Variants in SEPTIN9 observed in about 807,000 individuals in gnomAD.
The protein encoded by SEPTIN9 is septin-9.
A neutral mutation model predicts 56.6 loss-of-function variants in SEPTIN9; 13 were observed. The observed-to-expected ratio is 0.23, with a 90% CI of 0.15 to 0.37. The LOEUF (loss-of-function observed/expected upper bound fraction) is 0.37, where lower values mean the gene tolerates loss of function less well. Ranked by LOEUF, SEPTIN9 falls within the 10% of genes least tolerant of loss-of-function variation. The pLI, the probability that SEPTIN9 is intolerant of heterozygous loss-of-function variation, is 1.00. For synonymous variants in SEPTIN9, 332 were observed against 334.1 expected, an observed-to-expected ratio of 0.99 and a Z score of 0.07; for missense variants, 650 against 823.1, an observed-to-expected ratio of 0.79 and a Z score of 2.57.
rs779621770 is a variant in SEPTIN9, at chr17:77,490,796, C to A, written c.1317C>A (p.Ile439=). Residue 439 remains isoleucine, a synonymous_variant, in exon 8 of 12, where the codon ATC becomes ATA. Transcript: ENST00000427177. ...FMKRLSKVVN[I]VPVIAKADTL... Reference sequence around the variant, plus strand: ...AACGCCTGAGCAAGGTGGTCAACATCGTCCCTGTCATCGCCAAGGCGGACA... The same window carrying A: ...AACGCCTGAGCAAGGTGGTCAACATAGTCCCTGTCATCGCCAAGGCGGACA... 1.7e-5 allele frequency: 27 copies of A among 1,595,658 alleles called. No homozygotes were observed. The highest frequency in any genetic ancestry group is 8.7e-5 in the Admixed American group (5 of 57,600).
chr17:77,288,186 G>A lies in SEPTIN9; in HGVS notation c.19+6632G>A, dbSNP rs545146549. ...CAGGAGTGTCATCTTTTCTCAATGG[G>A]GATGTGGCTTCAGTCTCTGTCCAGG... On this transcript the variant is annotated intron_variant, in intron 1 of 11. Transcript: ENST00000427177. The A allele has an allele frequency of 1.4e-5, 15 of 1,056,116 alleles. No individual in the cohort carries two copies. In the South Asian group the frequency reaches 5.9e-4, roughly 42 times the overall value. The allele number at this position is 1,056,116 out of a possible 1,614,324, so 65.4% of individuals were successfully genotyped here.
At chr17:77,398,915 A>C (rs1196495306) in intron 2 of SEPTIN9, among the ~76,000 whole-genome samples, 1 of 152,150 alleles carries the variant, frequency 6.6e-6, no homozygotes, top group Non-Finnish European at 1.5e-5. Flanking sequence ...GGCAGTAAGC[A>C]CAGAGGCCAG....
intron 2 of SEPTIN9, among the ~76,000 whole-genome samples, chr17:77,358,193 G>C (rs2034313321): frequency 6.6e-6 from 1 of 152,228 alleles, no homozygotes; most frequent in South Asian, 2.1e-4. Flanking sequence ...ACAGAGCCCA[G>C]GCCTCAGCAC....
intron 2 of SEPTIN9, among the ~76,000 whole-genome samples, chr17:77,338,566 C>T (rs2033629281): frequency 6.6e-6 from 1 of 152,078 alleles, no homozygotes; most frequent in African/African-American, 2.4e-5. Context: ...CTACAGGTGC[C>T]TGCCACCACG....
At chr17:77,393,133 C>G (rs1371894697) in intron 2 of SEPTIN9, among the ~76,000 whole-genome samples, 2 of 152,130 alleles carry the variant, frequency 1.3e-5, no homozygotes, top group Non-Finnish European at 2.9e-5. Context: ...CAGGGGATGC[C>G]TGAGTGTGGG....
At chr17:77,352,965 A>ATAT (rs2034111899) in intron 2 of SEPTIN9, among the ~76,000 whole-genome samples, 2 of 152,340 alleles carry the variant, frequency 1.3e-5, no homozygotes, top group East Asian at 3.9e-4. Context: ...TGTCTTATAA[A>ATAT]GACACCTGTC....
intron 2 of SEPTIN9, among the ~76,000 whole-genome samples, chr17:77,354,583 G>C (rs1400876126): frequency 1.3e-5 from 2 of 152,166 alleles, no homozygotes; most frequent in African/African-American, 2.4e-5. Context: ...CCTCCTGCCT[G>C]CATGCGGCCG....
chr17:77,410,464 T>A (rs1183611784), intron 3 of SEPTIN9, among the ~76,000 whole-genome samples: 4 of 152,134 alleles, frequency 2.6e-5, no homozygotes, highest in Admixed American at 6.5e-5. Flanking sequence ...TCTGCCGCCT[T>A]CCAAAATGGC....
intron 1 of SEPTIN9, 191 bp downstream of exon 1, chr17:77,281,745 C>G: frequency 1.8e-6 from 1 of 547,780 alleles, no homozygotes; most frequent in South Asian, 2.4e-5. Context: ...CGACCGTCCC[C>G]TGCGCTGTCT....
intron 2 of SEPTIN9, among the ~76,000 whole-genome samples, chr17:77,395,687 A>T (rs1568035394): frequency 6.6e-6 from 1 of 152,048 alleles, no homozygotes; most frequent in Non-Finnish European, 1.5e-5. Flanking sequence ...CCCGGGTGTG[A>T]GTGTGTGTGT....
chr17:77,284,882 C>G (rs1217996712), intron 1 of SEPTIN9, among the ~76,000 whole-genome samples: 1 of 152,196 alleles, frequency 6.6e-6, no homozygotes, highest in Non-Finnish European at 1.5e-5. Context: ...CCTGCCTTGG[C>G]CTCCCAAAGT....
chr17:77,361,619 G>GTTTTC (rs949020564), intron 2 of SEPTIN9, among the ~76,000 whole-genome samples: 13 of 151,892 alleles, frequency 8.6e-5, no homozygotes, highest in African/African-American at 1.9e-4. Flanking sequence ...CGAGTGGTCA[G>GTTTTC]TTTTCTTTTC....
In SEPTIN9 at chr17:77,402,848, T is replaced by C. The variant is rs1342370576; in HGVS notation, c.721+145T>C. 2 of 768,180 alleles carry C rather than the reference T, an allele frequency of 2.6e-6. No homozygotes were observed. Among genetic ancestry groups the C allele is most frequent in the Non-Finnish European group, 4.0e-6 (2 of 496,290 alleles). The allele number at this position is 768,180 out of a possible 1,614,324, so 47.6% of individuals were successfully genotyped here. A position where few individuals can be genotyped will look rare whatever the true frequency, so the allele number is the denominator to read the frequency against. The stretch of plus-strand genomic sequence containing the variant: ...CCAGAAAGACCGGAATGCATGGGGG[T>C]GGGGGTCTGCAAGCTCAGGAGAGGT... On this transcript the variant is annotated intron_variant, in intron 3 of 11. Coordinates refer to ENST00000427177, the MANE Select transcript of SEPTIN9 (RefSeq NM_001113491.2). This position sits in a 1 kb window ranked among gnomAD's most constrained non-coding sequence, Gnocchi z 6.6.
At chr17:77,397,800 C>G (rs542393758) in intron 2 of SEPTIN9, among the ~76,000 whole-genome samples, 2 of 152,126 alleles carry the variant, frequency 1.3e-5, no homozygotes, top group Non-Finnish European at 2.9e-5. Context: ...CAGGCGCCCA[C>G]CCCCATGCCT....
chr17:77,485,106 G>C lies in SEPTIN9; in HGVS notation c.914-2318G>C, dbSNP rs1178285428. On this transcript the variant is annotated intron_variant, in intron 4 of 11. Coordinates refer to ENST00000427177, the MANE Select transcript of SEPTIN9 (RefSeq NM_001113491.2). ...AAGGGGTGATGGTGGTGATTGTGGT[G>C]ATGTGGGTGGTGGTGGTGATGTGGG... Among the ~76,000 whole-genome samples the C allele has an allele frequency of 1.3e-5, 2 of 149,908 alleles. 1 individual carries two copies. The highest frequency in any genetic ancestry group is 4.9e-5 in the African/African-American group (2 of 40,464).
At chr17:77,420,458 A>G (rs2036659370) in intron 3 of SEPTIN9, among the ~76,000 whole-genome samples, 1 of 152,186 alleles carries the variant, frequency 6.6e-6, no homozygotes, top group East Asian at 1.9e-4. Flanking sequence ...ATACCTGGGC[A>G]GTCCCCCACT....
rs183769435 is a variant in SEPTIN9, at chr17:77,405,776, G to A, written c.721+3073G>A. On this transcript the variant is annotated intron_variant, in intron 3 of 11. Coordinates refer to ENST00000427177, the MANE Select transcript of SEPTIN9 (RefSeq NM_001113491.2). This position sits in a 1 kb window ranked among gnomAD's most constrained non-coding sequence, Gnocchi z 5.8. ...CGTCCTCCCTCTCTGTGTCACGACC[G>A]TTCTGGACACGGATCCAGTTCTCTC... Among the ~76,000 whole-genome samples, 3 of 152,230 alleles carry A rather than the reference G, an allele frequency of 2.0e-5. No individual in the cohort carries two copies. Among genetic ancestry groups the A allele is most frequent in the Admixed American group, 6.5e-5 (1 of 15,302 alleles).
At chr17:77,407,279 T>G (rs2036118044) in intron 3 of SEPTIN9, among the ~76,000 whole-genome samples, 2 of 51,072 alleles carry the variant, frequency 3.9e-5, no homozygotes, top group Non-Finnish European at 8.8e-5. Context: ...TGAGACCCTG[T>G]CTCAAAAAAA....
At chr17:77,426,168 C>T (rs1027526094) in intron 3 of SEPTIN9, among the ~76,000 whole-genome samples, 6 of 152,038 alleles carry the variant, frequency 3.9e-5, no homozygotes, top group Non-Finnish European at 8.8e-5. Context: ...GTTGAGCACT[C>T]CTCCCGAATC....
Sources: gnomAD v4.1 joint callset for allele counts (sites outside exome capture counted in the v4.1 genomes callset) on GRCh38, gnomAD v4.1.1 for gene constraint, Gnocchi (gnomAD v3.1) non-coding constraint, MANE v1.5 for transcripts, NCBI Gene and HGNC (gene_info 2026-07-23, HGNC 2026-07-21) for gene names.